ROBO1: variants seen among roughly 807,000 people sequenced by gnomAD.
The protein encoded by ROBO1 is roundabout guidance receptor 1, also known as roundabout homolog 1.
ROBO1 carries 149 observed loss-of-function variants against 195.9 expected under a neutral mutation model. The observed-to-expected ratio is 0.76, with a 90% CI of 0.67 to 0.87. ROBO1 has a LOEUF of 0.87. ROBO1 is among the 40% of genes least tolerant of loss of function. ROBO1 has a pLI of 0.00. For missense variants in ROBO1, 1,933 were observed against 2,068.3 expected (o/e 0.93, Z 1.27); for synonymous variants, 816 against 733.2 (o/e 1.11, Z -1.82).
In ROBO1 at chr3:78,668,486, T is replaced by G. The variant is rs767826126; in HGVS notation, c.1628A>C (p.Gln543Pro). 15 of 1,613,716 alleles carry G rather than the reference T, an allele frequency of 9.3e-6. No individual in the cohort carries two copies. The highest frequency in any genetic ancestry group is 6.8e-6 in the Non-Finnish European group (8 of 1,179,792). Reference protein sequence around the residue: ...EATWSAYIEVQEFGVPVQPPR... With the variant: ...EATWSAYIEVPEFGVPVQPPR... ...GGGAAACACACCATTTACTTTACCT[T>G]GAACTTCAATGTAAGCACTCCATGT... is the stretch of plus-strand genomic sequence containing the variant. Residue 543 changes from glutamine (Q) to proline (P), a missense_variant and splice_region_variant, in exon 12 of 31, where the codon CAA becomes CCA. By Grantham distance (76) the Gln-to-Pro change is moderately conservative (BLOSUM62 -1). Transcript: ENST00000464233.
At chr3:79,656,480 C>G (rs1041311865) in intron 1 of ROBO1, among the ~76,000 whole-genome samples, 1 of 152,002 alleles carries the variant, frequency 6.6e-6, no homozygotes, top group African/African-American at 2.4e-5. Context: ...TAATAGTATA[C>G]TTTATTGAAT....
intron 1 of ROBO1, among the ~76,000 whole-genome samples, chr3:79,733,186 C>A (rs1703227536): frequency 6.6e-6 from 1 of 152,188 alleles, no homozygotes; most frequent in African/African-American, 2.4e-5. Flanking sequence ...CACCATCACT[C>A]ATTTTTTCAT....
intron 2 of ROBO1, among the ~76,000 whole-genome samples, chr3:79,587,562 A>G (rs1026316879): frequency 6.6e-6 from 1 of 151,674 alleles, no homozygotes; most frequent in African/African-American, 2.4e-5. Flanking sequence ...TACATTTCTG[A>G]TGAAGGAGAT....
In ROBO1 at chr3:79,273,008, G is replaced by A. The variant is rs543494322; in HGVS notation, c.89-147469C>T. 1.4e-4 allele frequency among the ~76,000 whole-genome samples: 21 copies of A among 152,196 alleles called. 1 individual carries two copies. Among genetic ancestry groups the A allele is most frequent in the African/African-American group, 4.1e-4 (17 of 41,538 alleles). The stretch of plus-strand genomic sequence containing the variant: ...TTAACTTTTGAAGAGTATATCTGGT[G>A]AAACTATTCCTCAAGCCTGAAGGAG... On this transcript the variant is annotated intron_variant, in intron 2 of 30. Transcript: ENST00000464233.
chr3:79,157,053 C>T (rs115151989), intron 2 of ROBO1, among the ~76,000 whole-genome samples: 2,911 of 151,962 alleles, frequency 0.019, 52 homozygotes, highest in Middle Eastern at 0.024. Flanking sequence ...TTCATGACCA[C>T]CATTTAAAAC....
chr3:78,946,084 T>G (rs149947568), intron 3 of ROBO1, among the ~76,000 whole-genome samples: 1 of 152,156 alleles, frequency 6.6e-6, no homozygotes, highest in African/African-American at 2.4e-5. Context: ...TGGAACCAAG[T>G]TGGAAAACAC....
At chr3:79,291,442 C>T (rs961762438) in intron 2 of ROBO1, among the ~76,000 whole-genome samples, 1 of 152,154 alleles carries the variant, frequency 6.6e-6, no homozygotes, top group South Asian at 2.1e-4. Flanking sequence ...AAATCATCTT[C>T]CAGAATCTAC....
chr3:79,562,276 G>GCA (rs749202794), intron 2 of ROBO1, among the ~76,000 whole-genome samples: 9 of 151,180 alleles, frequency 6.0e-5, no homozygotes, highest in African/African-American at 1.9e-4. Context: ...AACACTATGT[G>GCA]CACACACACA....
At chr3:79,016,230 T>C (rs563137868) in intron 3 of ROBO1, among the ~76,000 whole-genome samples, 4 of 152,136 alleles carry the variant, frequency 2.6e-5, no homozygotes, top group Non-Finnish European at 5.9e-5. Flanking sequence ...CCCTACTAGC[T>C]CAATAGTTTG....
intron 2 of ROBO1, among the ~76,000 whole-genome samples, chr3:79,529,354 G>A: frequency 6.6e-6 from 1 of 152,062 alleles, no homozygotes; most frequent in African/African-American, 2.4e-5. Flanking sequence ...GGCCTTTAAT[G>A]GTGCATCCCA....
chr3:78,946,171 A>C (rs988260012), intron 3 of ROBO1, among the ~76,000 whole-genome samples: 2 of 152,156 alleles, frequency 1.3e-5, no homozygotes, highest in Non-Finnish European at 2.9e-5. Flanking sequence ...AATACAGAGA[A>C]CACCACAAAG....
intron 2 of ROBO1, among the ~76,000 whole-genome samples, chr3:79,361,928 C>T (rs1464490036): frequency 1.3e-5 from 2 of 151,790 alleles, no homozygotes; most frequent in Non-Finnish European, 2.9e-5. Context: ...GCAAGTTTTC[C>T]AAGGTAGTAG....
chr3:79,213,438 G>A (rs1218101023), intron 2 of ROBO1, among the ~76,000 whole-genome samples: 1 of 152,034 alleles, frequency 6.6e-6, no homozygotes, highest in East Asian at 1.9e-4. Flanking sequence ...TTCACAATTA[G>A]GTAATTTCCT....
chr3:79,351,443 C>G (rs763194871), intron 2 of ROBO1, among the ~76,000 whole-genome samples: 2 of 152,072 alleles, frequency 1.3e-5, no homozygotes, highest in Admixed American at 6.6e-5. Context: ...GTAGCCCACA[C>G]GTTTCTGGCT....
At chr3:79,419,039 G>A (rs2106920705) in intron 2 of ROBO1, among the ~76,000 whole-genome samples, 1 of 152,234 alleles carries the variant, frequency 6.6e-6, no homozygotes, top group South Asian at 2.1e-4. Context: ...TGTGTCCAGA[G>A]GGCCATGTGT....
chr3:78,782,499 T>G (rs1221006144), intron 4 of ROBO1, among the ~76,000 whole-genome samples: 1 of 152,026 alleles, frequency 6.6e-6, no homozygotes, highest in African/African-American at 2.4e-5. Context: ...GCCTGGCCCA[T>G]AAATTGAAAT....
At chr3:79,025,643 A>G (rs1464404334) in intron 3 of ROBO1, among the ~76,000 whole-genome samples, 1 of 2,674 alleles carries the variant, frequency 3.7e-4, no homozygotes, top group Non-Finnish European at 1.6e-3. Flanking sequence ...ACTTCAATAG[A>G]GAACTAACTG....
intron 5 of ROBO1, among the ~76,000 whole-genome samples, chr3:78,745,400 T>C (rs1336338647): frequency 6.6e-6 from 1 of 151,716 alleles, no homozygotes; most frequent in African/African-American, 2.4e-5. Flanking sequence ...GGGATGATAA[T>C]GGTTTTAATG....
intron 3 of ROBO1, among the ~76,000 whole-genome samples, chr3:79,071,943 G>A (rs1164165008): frequency 6.6e-6 from 1 of 151,678 alleles, no homozygotes; most frequent in East Asian, 1.9e-4. Flanking sequence ...TCTGTATTTT[G>A]CAATTGTCAT....
Sources: gnomAD v4.1 joint callset for allele counts (sites outside exome capture counted in the v4.1 genomes callset) on GRCh38, gnomAD v4.1.1 for gene constraint, MANE v1.5 for transcripts, NCBI Gene and HGNC (gene_info 2026-07-23, HGNC 2026-07-21) for gene names.